The following TMEM116 variants were observed in gnomAD, a reference collection of about 807,000 sequenced individuals.
TMEM116 encodes transmembrane protein 116.
TMEM116 carries 38 observed loss-of-function variants against 44.3 expected under a neutral mutation model. The observed-to-expected ratio is 0.86, with a 90% confidence interval of 0.66 to 1.12. The LOEUF is 1.12. TMEM116 is among the 50% of genes most tolerant of loss of function. The probability of loss-of-function intolerance (pLI) is 0.00; values close to 1 mark genes in which losing one functional copy is unlikely to be tolerated. For synonymous variants in TMEM116, 132 were observed against 144.8 expected (o/e 0.91, Z 0.64); for missense variants, 354 against 401.7 (o/e 0.88, Z 1.01).
At position 111,943,304 on chromosome 12, in the gene TMEM116, C is replaced by T. The variant is rs1246520468; in HGVS notation, c.276G>A (p.Arg92=). The part of the protein sequence containing the change: ...NYIWYLYTEL[R]MKHTQSGQST... Reference sequence around the variant, plus strand: ...TCTGTCCACTCTGGGTGTGTTTCATCCTCAGCTCTGTGTACAAATACCAGA... The same window carrying T: ...TCTGTCCACTCTGGGTGTGTTTCATTCTCAGCTCTGTGTACAAATACCAGA... Residue 92 remains arginine, a synonymous_variant, in exon 5 of 11, where the codon AGG becomes AGA. Transcript: ENST00000552374. The T allele has an allele frequency of 6.2e-7, 1 of 1,614,054 alleles. No homozygotes were observed. Among genetic ancestry groups the T allele is most frequent in the East Asian group, 2.2e-5 (1 of 44,872 alleles).
At chr12:111,991,142 C>G (rs1399382969) in intron 4 of TMEM116, among the ~76,000 whole-genome samples, 2 of 146,184 alleles carry the variant, frequency 1.4e-5, no homozygotes, top group African/African-American at 5.1e-5. Context: ...TTGCTTGAAC[C>G]TAGGAGGCGG....
intron 4 of TMEM116, among the ~76,000 whole-genome samples, chr12:111,983,931 A>G (rs1254213365): frequency 2.0e-5 from 3 of 152,216 alleles, no homozygotes; most frequent in Non-Finnish European, 4.4e-5. Flanking sequence ...TCAACAAAAT[A>G]GTAGCAAACA....
At chr12:111,937,816 C>T (rs1217560525) in intron 6 of TMEM116, among the ~76,000 whole-genome samples, 1 of 152,096 alleles carries the variant, frequency 6.6e-6, no homozygotes, top group Non-Finnish European at 1.5e-5. Flanking sequence ...AGAGTCTTAC[C>T]CAATGTTATA....
At chr12:111,984,419 G>C (rs1322591929) in intron 4 of TMEM116, among the ~76,000 whole-genome samples, 1 of 152,122 alleles carries the variant, frequency 6.6e-6, no homozygotes, top group African/African-American at 2.4e-5. Context: ...CCAGAAGCTG[G>C]GAGGGGTAGT....
At chr12:111,939,179 G>T (rs1347465020) in intron 5 of TMEM116, among the ~76,000 whole-genome samples, 1 of 152,070 alleles carries the variant, frequency 6.6e-6, no homozygotes, top group African/African-American at 2.4e-5. Flanking sequence ...TGCTGGCTGG[G>T]TGCAGTGGCT....
At chr12:111,969,234 C>A (rs1257601941) in intron 4 of TMEM116, among the ~76,000 whole-genome samples, 1 of 147,232 alleles carries the variant, frequency 6.8e-6, no homozygotes, top group Admixed American at 6.9e-5. Context: ...GCAGGAGAAT[C>A]GTTTGAACCT....
At chr12:111,971,314 T>C (rs939307704) in intron 4 of TMEM116, among the ~76,000 whole-genome samples, 1 of 152,022 alleles carries the variant, frequency 6.6e-6, no homozygotes, top group African/African-American at 2.4e-5. Flanking sequence ...TAACAATGGA[T>C]TGTGGGTTTT....
chr12:111,960,416 C>T (rs567877116), intron 4 of TMEM116, among the ~76,000 whole-genome samples: 5 of 144,148 alleles, frequency 3.5e-5, no homozygotes, highest in African/African-American at 7.7e-5. Flanking sequence ...GACGTGAACC[C>T]GGGAGGCAGA....
At chr12:111,934,814 C>A (rs889024388) in intron 8 of TMEM116, 1 of 151,682 alleles carries the variant, frequency 6.6e-6, no homozygotes, top group Non-Finnish European at 1.5e-5. Flanking sequence ...AAACAAATTG[C>A]TTTTTCCCTA....
At position 111,957,389 on chromosome 12, in the gene TMEM116, C is replaced by T. The variant is rs564075446; in HGVS notation, c.211-14020G>A. Among the ~76,000 whole-genome samples the T allele has an allele frequency of 1.6e-4, 24 of 150,296 alleles. 1 individual carries two copies. In the South Asian group the frequency reaches 4.2e-3, roughly 27 times the overall value. On this transcript the variant is annotated intron_variant, in intron 4 of 10. Transcript: ENST00000552374. Reference sequence around the variant, plus strand: ...CTGAGAAGTGAGGAGCCCCTCCGCCCGGCAGCCGCCCCATCTGGGAAGTGG... The same window carrying T: ...CTGAGAAGTGAGGAGCCCCTCCGCCTGGCAGCCGCCCCATCTGGGAAGTGG...
At chr12:111,941,512 A>T (rs1460999284) in intron 5 of TMEM116, among the ~76,000 whole-genome samples, 1 of 152,202 alleles carries the variant, frequency 6.6e-6, no homozygotes, top group Non-Finnish European at 1.5e-5. Context: ...TTAAAATTAA[A>T]TAAAATTTAA....
intron 4 of TMEM116, among the ~76,000 whole-genome samples, chr12:111,960,148 GT>G: frequency 6.6e-6 from 1 of 152,220 alleles, no homozygotes; most frequent in East Asian, 1.9e-4. Flanking sequence ...GTAACAAATA[GT>G]CTCTCAGACA....
chr12:111,994,466 A>T (rs1392087834), intron 3 of TMEM116, among the ~76,000 whole-genome samples: 2 of 152,238 alleles, frequency 1.3e-5, no homozygotes, highest in African/African-American at 2.4e-5. Context: ...TGGTCCTGTG[A>T]TGCCGCCAAT....
At position 111,938,206 on chromosome 12, in the gene TMEM116, A is replaced by G. The variant is rs765809124; in HGVS notation, c.320T>C (p.Ile107Thr). ...TTGACAAACTCGACAAGTATAATCT[A>G]TCACCTGTGAAAAGAATAAATGTGA... Reference protein sequence around the residue: ...QSGQSTSPLVIDYTCRVCQMA... With the variant: ...QSGQSTSPLVTDYTCRVCQMA... Residue 107 changes from isoleucine to threonine, a missense_variant, in exon 6 of 11, where the codon ATA becomes ACA. Physicochemically the swap from Ile to Thr is moderately conservative, Grantham distance 89. Coordinates refer to ENST00000552374, the MANE Select transcript of TMEM116 (RefSeq NM_001193531.2). 88 of 1,583,978 alleles carry G rather than the reference A, an allele frequency of 5.6e-5. No individual in the cohort carries two copies. The highest frequency in any genetic ancestry group is 1.8e-4 in the South Asian group (15 of 84,730).
At chr12:111,938,070 G>C in intron 6 of TMEM116, 91 bp downstream of exon 6, 1 of 772,274 alleles carries the variant, frequency 1.3e-6, no homozygotes, top group Non-Finnish European at 2.1e-6. Flanking sequence ...GACTGACAAT[G>C]GAAATAAAGG....
chr12:111,973,824 T>C (rs2075501235), intron 4 of TMEM116, among the ~76,000 whole-genome samples: 1 of 152,004 alleles, frequency 6.6e-6, no homozygotes, highest in Non-Finnish European at 1.5e-5. Context: ...CTTGGGTGGC[T>C]GAGGCAGGAG....
intron 4 of TMEM116, among the ~76,000 whole-genome samples, chr12:111,954,705 C>G (rs2073962953): frequency 1.3e-5 from 2 of 152,212 alleles, no homozygotes; most frequent in Admixed American, 1.3e-4. Context: ...ATTTGCAACC[C>G]AAACTGGTGT....
At chr12:111,935,620 G>C (rs1387690520) in intron 8 of TMEM116, 3 of 142,982 alleles carry the variant, frequency 2.1e-5, no homozygotes, top group Non-Finnish European at 4.5e-5. Flanking sequence ...TCTCGTGTGT[G>C]TGTGTGTGTG....
At chr12:111,976,839 T>G (rs2075698282) in intron 4 of TMEM116, among the ~76,000 whole-genome samples, 1 of 152,078 alleles carries the variant, frequency 6.6e-6, no homozygotes, top group Non-Finnish European at 1.5e-5. Flanking sequence ...AAAGGGCACA[T>G]CAATTAACTG....
Sources: allele counts gnomAD v4.1 joint callset (sites outside exome capture counted in the v4.1 genomes callset), GRCh38; gene constraint gnomAD v4.1.1; transcripts MANE v1.5; gene names NCBI Gene and HGNC (gene_info 2026-07-23, HGNC 2026-07-21).